The following MAGI2 variants were observed in gnomAD, a reference collection of about 807,000 sequenced individuals.
MAGI2 encodes membrane-associated guanylate kinase, WW and PDZ domain-containing protein 2.
MAGI2 carries 35 observed loss-of-function variants against 133.3 expected under a neutral mutation model. The ratio of observed to expected loss-of-function variants is 0.26; its 90% CI spans 0.20 to 0.35. The LOEUF is 0.35. MAGI2 is among the 10% of genes least tolerant of loss of function. The pLI, the probability that MAGI2 is intolerant of heterozygous loss-of-function variation, is 1.00. For synonymous variants in MAGI2, 729 were observed against 710.6 expected (o/e 1.03, Z -0.41); for missense variants, 1,636 against 1,863.4 (o/e 0.88, Z 2.25).
chr7:79,429,732 AG>A (rs1364343463), intron 1 of MAGI2, among the ~76,000 whole-genome samples: 2 of 152,182 alleles, frequency 1.3e-5, no homozygotes, highest in African/African-American at 4.8e-5. Flanking sequence ...AATTGGAAAA[AG>A]TCTTTTGCAT....
rs139352828 is a variant in MAGI2 at position 78,256,300 on chromosome 7, G to T, written c.1690C>A (p.Arg564=). The stretch of plus-strand genomic sequence containing the variant: ...ATGGAGTGCAGAGAATGAGGCGGCC[G>T]ATCTGTTATATCTGGAACTGACTGT... ...TSQSVPDITD[R]PPHSLHSMPT... is the part of the protein sequence containing the mutation. Residue 564 remains arginine (R), a synonymous_variant, in exon 10 of 22, where the codon CGG becomes AGG. Transcript: ENST00000354212. The T allele has an allele frequency of 6.2e-7, 1 of 1,614,046 alleles. No homozygotes were observed. Among genetic ancestry groups the T allele is most frequent in the Non-Finnish European group, 8.5e-7 (1 of 1,179,986 alleles).
intron 1 of MAGI2, among the ~76,000 whole-genome samples, chr7:79,335,122 C>G: frequency 6.6e-6 from 1 of 152,124 alleles, no homozygotes; most frequent in East Asian, 1.9e-4. Flanking sequence ...GTCACTTTTA[C>G]AGTGGGGGGA....
intron 1 of MAGI2, among the ~76,000 whole-genome samples, chr7:79,277,575 A>G (rs1336378395): frequency 2.0e-5 from 3 of 152,142 alleles, no homozygotes; most frequent in African/African-American, 7.2e-5. Flanking sequence ...ATAATGATAC[A>G]AGGAAGAATT....
intron 2 of MAGI2, among the ~76,000 whole-genome samples, chr7:78,954,368 A>G (rs1422820303): frequency 4.6e-5 from 7 of 152,142 alleles, no homozygotes; most frequent in Non-Finnish European, 1.0e-4. Context: ...AATTTTAGAT[A>G]GTATTCCTGT....
intron 2 of MAGI2, chr7:78,902,527 G>C (rs1165740703): frequency 6.6e-6 from 1 of 152,144 alleles, no homozygotes; most frequent in Non-Finnish European, 1.5e-5. Context: ...TCAAACTCAT[G>C]GTGATTAAGA....
intron 1 of MAGI2, among the ~76,000 whole-genome samples, chr7:79,259,089 A>C (rs954587993): frequency 1.3e-5 from 2 of 152,226 alleles, no homozygotes; most frequent in Non-Finnish European, 2.9e-5. Context: ...AAAGATCACC[A>C]GATAGGGACC....
At chr7:78,161,999 A>G (rs1276705665) in intron 15 of MAGI2, among the ~76,000 whole-genome samples, 1 of 140,180 alleles carries the variant, frequency 7.1e-6, no homozygotes, top group Non-Finnish European at 1.6e-5. Context: ...ACAAGTTGTT[A>G]TTGTCTTGGT....
At chr7:78,389,497 C>T (rs544683057) in intron 6 of MAGI2, among the ~76,000 whole-genome samples, 7 of 152,252 alleles carry the variant, frequency 4.6e-5, no homozygotes, top group Middle Eastern at 3.4e-3. Flanking sequence ...CAAGTGTTAA[C>T]GGAATGAATG....
Position 78,256,518 on chromosome 7 carries a change from T to C in MAGI2, c.1472A>G (p.Lys491Arg). 1.2e-6 allele frequency: 2 copies of C among 1,613,922 alleles called. No homozygotes were observed. Among genetic ancestry groups the C allele is most frequent in the Non-Finnish European group, 1.7e-6 (2 of 1,179,942 alleles). Reference protein sequence around the residue: ...VLGHTHADVVKLFQSVPIGQS... With the variant: ...VLGHTHADVVRLFQSVPIGQS... ...ACCAATAGGAACAGACTGGAAAAGT[T>C]TGACAACATCTGCATGAGTGTGTCC... The change falls in exon 10 of 22, where the codon AAA becomes AGA. Residue 491 changes from lysine (K) to arginine (R), a missense_variant. Physicochemically the swap from Lys to Arg is conservative, Grantham distance 26 (BLOSUM62 2). Transcript: ENST00000354212.
At chr7:79,088,183 T>C (rs993833496) in intron 1 of MAGI2, among the ~76,000 whole-genome samples, 2 of 152,126 alleles carry the variant, frequency 1.3e-5, no homozygotes, top group Non-Finnish European at 2.9e-5. Context: ...CAATAGTTAG[T>C]AGTTCTCCTT....
At chr7:78,752,315 C>A (rs2151280648) in intron 2 of MAGI2, among the ~76,000 whole-genome samples, 1 of 152,244 alleles carries the variant, frequency 6.6e-6, no homozygotes, top group South Asian at 2.1e-4. Context: ...TCATCATGGT[C>A]ACAGAGGCTG....
chr7:78,954,445 T>C (rs1802129734), intron 2 of MAGI2, among the ~76,000 whole-genome samples: 1 of 152,144 alleles, frequency 6.6e-6, no homozygotes, highest in South Asian at 2.1e-4. Context: ...GGTCAGGGTA[T>C]AGTGAAATGA....
chr7:78,734,445 T>C (rs1330088349), intron 2 of MAGI2, among the ~76,000 whole-genome samples: 1 of 152,166 alleles, frequency 6.6e-6, no homozygotes, highest in Admixed American at 6.5e-5. Context: ...TGAGCCACTA[T>C]TTATAGGACC....
chr7:79,196,821 G>C (rs1828123563), intron 1 of MAGI2, among the ~76,000 whole-genome samples: 3 of 151,916 alleles, frequency 2.0e-5, no homozygotes, highest in Non-Finnish European at 2.9e-5. Context: ...AGGCTGGAGT[G>C]CAGTGGAATG....
At chr7:78,270,036 T>C (rs553736972) in intron 9 of MAGI2, among the ~76,000 whole-genome samples, 2 of 152,316 alleles carry the variant, frequency 1.3e-5, no homozygotes, top group African/African-American at 4.8e-5. Context: ...CTTTCCCCAT[T>C]GCTTGTTTTT....
At chr7:79,008,772 C>T (rs1191903477) in intron 1 of MAGI2, 1 of 152,174 alleles carries the variant, frequency 6.6e-6, no homozygotes, top group Non-Finnish European at 1.5e-5. Context: ...TTATTTACTT[C>T]TCCAAATGCC....
chr7:78,624,049 T>A (rs1808043506), intron 3 of MAGI2, among the ~76,000 whole-genome samples: 2 of 152,162 alleles, frequency 1.3e-5, no homozygotes, highest in Admixed American at 6.6e-5. Flanking sequence ...GGTATCTCAT[T>A]GTGGTTTTGA....
intron 2 of MAGI2, among the ~76,000 whole-genome samples, chr7:78,826,095 G>A (rs1050470036): frequency 6.6e-6 from 1 of 152,108 alleles, no homozygotes; most frequent in Non-Finnish European, 1.5e-5. Context: ...GCTCACACCT[G>A]TAATCCCAGC....
At chr7:78,478,347 A>G (rs1791997904) in intron 6 of MAGI2, among the ~76,000 whole-genome samples, 3 of 151,866 alleles carry the variant, frequency 2.0e-5, no homozygotes, top group Non-Finnish European at 4.4e-5. Context: ...CTCTAGTTTA[A>G]GCGTCTTGTG....
Sources: gnomAD v4.1 joint callset for allele counts (sites outside exome capture counted in the v4.1 genomes callset) on GRCh38, gnomAD v4.1.1 for gene constraint, MANE v1.5 for transcripts, NCBI Gene and HGNC (gene_info 2026-07-23, HGNC 2026-07-21) for gene names.